HMGN5: variants seen among roughly 807,000 people sequenced by gnomAD.
HMGN5 encodes high mobility group nucleosome-binding domain-containing protein 5.
A neutral mutation model predicts 9.5 loss-of-function variants in HMGN5; 4 were observed. The observed-to-expected ratio is 0.42, with a 90% CI of 0.21 to 0.96. HMGN5 has a LOEUF of 0.96. Among genes scored for constraint, HMGN5 ranks in the 40% least tolerant of loss-of-function variants. The pLI is 0.30. For missense variants in HMGN5, 192 were observed against 187.5 expected (o/e 1.02, Z -0.14); for synonymous variants, 55 against 57.1 (o/e 0.96, Z 0.16).
At chrX:81,127,741 G>C (rs2075288180) in intron 1 of HMGN5, among the ~76,000 whole-genome samples, 2 of 111,556 alleles carry the variant, frequency 1.8e-5, no homozygotes, top group South Asian at 7.4e-4. Context: ...GAGATAAAAT[G>C]ATGTTAAAAC....
intron 1 of HMGN5, among the ~76,000 whole-genome samples, chrX:81,186,041 G>A (rs1323304398): frequency 1.8e-5 from 2 of 111,499 alleles, no homozygotes; most frequent in African/African-American, 6.5e-5. Flanking sequence ...GTATTTTTGT[G>A]TCAATATTCA....
rs189851226 is a variant in HMGN5 at position 81,149,631 on chromosome X, A to G, written c.-123-27959T>C. ...AACTTGAAGTATAATAATAAAAAAT[A>G]CAAGACCCATTGATCTGTTGCCTGA... On this transcript the variant is annotated intron_variant, in intron 1 of 6. Coordinates refer to ENST00000358130, the MANE Select transcript of HMGN5 (RefSeq NM_030763.3). 5.4e-3 allele frequency among the ~76,000 whole-genome samples: 608 copies of G among 112,212 alleles called. 4 individuals carry two copies. Among genetic ancestry groups the G allele is most frequent in the African/African-American group, 0.019 (580 of 30,883 alleles).
At chrX:81,185,732 A>T (rs1031200443) in intron 1 of HMGN5, among the ~76,000 whole-genome samples, 1 of 111,539 alleles carries the variant, frequency 9.0e-6, no homozygotes, top group African/African-American at 3.2e-5. Context: ...CTCATTAAGT[A>T]TGATACTAAC....
intron 1 of HMGN5, among the ~76,000 whole-genome samples, chrX:81,168,010 A>G (rs1052823948): frequency 5.3e-5 from 6 of 112,353 alleles, no homozygotes; most frequent in African/African-American, 1.6e-4. Flanking sequence ...CATAGAGTTA[A>G]TGAACAAAGA....
intron 1 of HMGN5, among the ~76,000 whole-genome samples, chrX:81,187,629 A>G (rs1303473638): frequency 9.0e-6 from 1 of 111,558 alleles, no homozygotes; most frequent in Non-Finnish European, 1.9e-5. Context: ...GCAACAGATA[A>G]TTGGGTATTT....
rs749358066 is a variant in HMGN5 at position 81,192,093 on chromosome X, T to G, written c.-124+9644A>C. 1.7e-4 allele frequency among the ~76,000 whole-genome samples: 19 copies of G among 111,702 alleles called. No individual in the cohort carries two copies. In the South Asian group the frequency reaches 6.8e-3, roughly 40 times the overall value. The stretch of plus-strand genomic sequence containing the variant: ...ATGTGATTAGAGTCAATTCCTGGGA[T>G]TAGCAAGTGATGCCCAGTGTTCTGC... On this transcript the variant is annotated intron_variant, in intron 1 of 6. Coordinates refer to ENST00000358130, the MANE Select transcript of HMGN5 (RefSeq NM_030763.3).
Position 81,151,789 on chromosome X carries a change from C to T in HMGN5, c.-123-30117G>A, listed in dbSNP as rs1214894295. Among the ~76,000 whole-genome samples, 10 of 110,443 alleles carry T rather than the reference C, an allele frequency of 9.1e-5. No individual in the cohort carries two copies. The East Asian group carries it at 2.8e-3, about 31-fold the overall frequency. ...TATAAGAATGCTTGTGATTTTTGTA[C>T]ATTGATTTTATATCCTGAGACTTTG... On this transcript the variant is annotated intron_variant, in intron 1 of 6. Coordinates refer to ENST00000358130, the MANE Select transcript of HMGN5 (RefSeq NM_030763.3).
chrX:81,180,825 A>G (rs2147643710), intron 1 of HMGN5, among the ~76,000 whole-genome samples: 1 of 112,160 alleles, frequency 8.9e-6, no homozygotes, highest in South Asian at 3.7e-4. Context: ...GATAGACTGG[A>G]TTAAGAAAAT....
Position 81,132,075 on chromosome X carries a change from C to A in HMGN5, c.-123-10403G>T, listed in dbSNP as rs192808251. 9.9e-5 allele frequency among the ~76,000 whole-genome samples: 11 copies of A among 111,149 alleles called. No individual in the cohort carries two copies. In the Admixed American group the frequency reaches 1.1e-3, roughly 11 times the overall value. Reference sequence around the variant, plus strand: ...AGCATTATTATACACCAACAACAGTCAAGCCAAGACCTGTCATGAATAAAC... The same window carrying A: ...AGCATTATTATACACCAACAACAGTAAAGCCAAGACCTGTCATGAATAAAC... On this transcript the variant is annotated intron_variant, in intron 1 of 6. Coordinates refer to ENST00000358130, the MANE Select transcript of HMGN5 (RefSeq NM_030763.3).
At position 81,151,555 on chromosome X, in the gene HMGN5, C is replaced by T. The variant is rs757809509; in HGVS notation, c.-123-29883G>A. Among the ~76,000 whole-genome samples the T allele has an allele frequency of 3.2e-3, 354 of 110,393 alleles. 2 individuals are homozygous for T. Among genetic ancestry groups the T allele is most frequent in the African/African-American group, 0.011 (337 of 30,380 alleles). ...ACCTTGGGCAGTATGGCCATTTTCA[C>T]GATATTGATTCTTCCTACCCATGAG... On this transcript the variant is annotated intron_variant, in intron 1 of 6. Transcript: ENST00000358130.
At chrX:81,146,716 T>G (rs2075345147) in intron 1 of HMGN5, among the ~76,000 whole-genome samples, 1 of 111,737 alleles carries the variant, frequency 8.9e-6, no homozygotes, top group African/African-American at 3.3e-5. Context: ...GGAGCTAGTT[T>G]TTTGAAAAGA....
chrX:81,155,232 G>A (rs2075379886), intron 1 of HMGN5, among the ~76,000 whole-genome samples: 2 of 101,599 alleles, frequency 2.0e-5, no homozygotes, highest in Admixed American at 2.2e-4. Flanking sequence ...TTAGAGAGTG[G>A]CTGATTATAT....
At chrX:81,132,273 A>C (rs1422310295) in intron 1 of HMGN5, among the ~76,000 whole-genome samples, 1 of 111,811 alleles carries the variant, frequency 8.9e-6, no homozygotes. Context: ...CTATCGTTAA[A>C]ATGGCCATAC....
chrX:81,143,293 A>G (rs1437594897), intron 1 of HMGN5, among the ~76,000 whole-genome samples: 2 of 111,798 alleles, frequency 1.8e-5, no homozygotes, highest in African/African-American at 6.5e-5. Context: ...CAATAATAAC[A>G]CTGAATATCA....
intron 1 of HMGN5, among the ~76,000 whole-genome samples, chrX:81,166,587 T>C (rs1209134625): frequency 9.0e-6 from 1 of 111,432 alleles, no homozygotes; most frequent in African/African-American, 3.3e-5. Flanking sequence ...CAAAAGTTTC[T>C]GCCACTCCAC....
intron 1 of HMGN5, among the ~76,000 whole-genome samples, chrX:81,160,567 T>C (rs2075395419): frequency 9.0e-6 from 1 of 110,505 alleles, no homozygotes; most frequent in African/African-American, 3.3e-5. Flanking sequence ...TTCCCCTCCC[T>C]GTGTCCATGT....
chrX:81,122,985 A>T (rs1396583514), intron 1 of HMGN5, among the ~76,000 whole-genome samples: 1 of 111,598 alleles, frequency 9.0e-6, no homozygotes, highest in Non-Finnish European at 1.9e-5. Context: ...CCAAATCCTT[A>T]TCCTGGAGGG....
chrX:81,164,760 T>A (rs181694392), intron 1 of HMGN5, among the ~76,000 whole-genome samples: 1 of 111,119 alleles, frequency 9.0e-6, no homozygotes, highest in African/African-American at 3.3e-5. Context: ...GGATTGAGAG[T>A]TTCAGGGGTT....
rs1422829870 is a variant in HMGN5, at chrX:81,167,106, T to C, written c.-124+34631A>G. On this transcript the variant is annotated intron_variant, in intron 1 of 6. Transcript: ENST00000358130. The stretch of plus-strand genomic sequence containing the variant: ...TAGCAAGAAAGGTGTGCATATGTCA[T>C]CTCAAGTGTTCCACTTACGGGAAAT... Among the ~76,000 whole-genome samples the C allele has an allele frequency of 2.7e-5, 3 of 111,449 alleles. No individual in the cohort carries two copies. In the South Asian group the frequency reaches 1.1e-3, roughly 42 times the overall value.
Sources: gnomAD v4.1 joint callset for allele counts (sites outside exome capture counted in the v4.1 genomes callset) on GRCh38, gnomAD v4.1.1 for gene constraint, MANE v1.5 for transcripts, NCBI Gene and HGNC (gene_info 2026-07-23, HGNC 2026-07-21) for gene names.